Variants in SPOCK3 observed in about 807,000 individuals in gnomAD.
The protein encoded by SPOCK3 is testican-3.
In SPOCK3, 30 loss-of-function variants were observed where a neutral mutation model predicts 56.6. The ratio of observed to expected loss-of-function variants is 0.53; its 90% CI spans 0.40 to 0.72. The LOEUF (loss-of-function observed/expected upper bound fraction) is 0.72. Among genes scored for constraint, SPOCK3 ranks in the 30% least tolerant of loss-of-function variants. SPOCK3 has a pLI of 0.00. For synonymous variants in SPOCK3, 196 were observed against 183.3 expected (o/e 1.07, Z -0.56); for missense variants, 527 against 530.0 (o/e 0.99, Z 0.06).
chr4:166,967,094 GAA>G (rs774288827), intron 4 of SPOCK3, among the ~76,000 whole-genome samples: 8 of 152,088 alleles, frequency 5.3e-5, no homozygotes, highest in Non-Finnish European at 5.9e-5. Flanking sequence ...GCTGATTTAT[GAA>G]GTACTTCCTC....
At chr4:166,735,225 G>T in intron 10 of SPOCK3, 135 bp from the exon 11 acceptor site, 1 of 606,774 alleles carries the variant, frequency 1.6e-6, no homozygotes, top group Non-Finnish European at 2.8e-6. Context: ...CAAAGATAAT[G>T]AAAGATCCAT....
intron 6 of SPOCK3, among the ~76,000 whole-genome samples, chr4:166,868,461 G>T (rs1732104835): frequency 6.6e-6 from 1 of 151,924 alleles, no homozygotes; most frequent in Non-Finnish European, 1.5e-5. Context: ...GTATGACCCT[G>T]TCTCTAAAAA....
intron 5 of SPOCK3, among the ~76,000 whole-genome samples, chr4:166,896,330 A>G (rs530841109): frequency 2.0e-5 from 3 of 152,178 alleles, no homozygotes; most frequent in South Asian, 2.1e-4. Flanking sequence ...GCCCCCACCC[A>G]TGGCTAATGG....
chr4:166,746,398 G>T (rs867491640), intron 8 of SPOCK3, among the ~76,000 whole-genome samples: 1 of 152,116 alleles, frequency 6.6e-6, no homozygotes. Context: ...GGTACATAAC[G>T]AAATGAAGGC....
intron 9 of SPOCK3, among the ~76,000 whole-genome samples, chr4:166,740,737 G>A (rs1414541555): frequency 1.3e-5 from 2 of 151,898 alleles, no homozygotes; most frequent in African/African-American, 4.8e-5. Flanking sequence ...TATTGGCCAG[G>A]GTGGTCTCGA....
chr4:166,784,613 G>A (rs1483734514), intron 7 of SPOCK3, among the ~76,000 whole-genome samples: 1 of 152,042 alleles, frequency 6.6e-6, no homozygotes, highest in Admixed American at 6.6e-5. Context: ...GAAGTCTCCT[G>A]CTATACCTAG....
At chr4:167,073,951 T>G (rs1342756184) in intron 2 of SPOCK3, among the ~76,000 whole-genome samples, 1 of 151,840 alleles carries the variant, frequency 6.6e-6, no homozygotes, top group African/African-American at 2.4e-5. Context: ...ACTCAAAAAT[T>G]TAGTATAATG....
At chr4:166,885,585 C>G (rs1485972988) in intron 6 of SPOCK3, among the ~76,000 whole-genome samples, 1 of 152,032 alleles carries the variant, frequency 6.6e-6, no homozygotes, top group Non-Finnish European at 1.5e-5. Flanking sequence ...CGTTCCTTTT[C>G]TACTTCCTCC....
intron 2 of SPOCK3, among the ~76,000 whole-genome samples, chr4:167,150,200 T>C (rs899941762): frequency 2.0e-5 from 3 of 152,146 alleles, no homozygotes; most frequent in Non-Finnish European, 4.4e-5. Flanking sequence ...ATGCTATCCT[T>C]GAATCTGGCA....
intron 7 of SPOCK3, among the ~76,000 whole-genome samples, chr4:166,765,402 T>A (rs1306411822): frequency 1.3e-5 from 2 of 152,218 alleles, no homozygotes; most frequent in African/African-American, 2.4e-5. Flanking sequence ...GCTTTGTACA[T>A]ATGGCTAGCC....
intron 6 of SPOCK3, among the ~76,000 whole-genome samples, chr4:166,808,007 T>C: frequency 6.6e-6 from 1 of 152,136 alleles, no homozygotes; most frequent in East Asian, 1.9e-4. Flanking sequence ...TTAAATCACA[T>C]TTCCAGAATC....
chr4:167,042,038 C>T (rs1288684330), intron 3 of SPOCK3, among the ~76,000 whole-genome samples: 1 of 152,042 alleles, frequency 6.6e-6, no homozygotes, highest in Non-Finnish European at 1.5e-5. Flanking sequence ...TCCATTTTCC[C>T]TCCTATTAGA....
chr4:167,059,154 A>T (rs1755280005), intron 3 of SPOCK3, among the ~76,000 whole-genome samples: 1 of 152,086 alleles, frequency 6.6e-6, no homozygotes, highest in East Asian at 1.9e-4. Context: ...GACAAATGGG[A>T]TCTAATTAAA....
At position 167,059,075 on chromosome 4, in the gene SPOCK3, C is replaced by G. The variant is rs200097990; in HGVS notation, c.235+3417G>C. Among the ~76,000 whole-genome samples the G allele has an allele frequency of 9.6e-4, 146 of 152,154 alleles. 3 individuals carry two copies. The East Asian group carries it at 0.013, about 13-fold the overall frequency. ...AGAAGAAAACCTAGGCAATACCATT[C>G]AGGACATAGGCATGGGCAAGGACTT... On this transcript the variant is annotated intron_variant, in intron 3 of 10. Coordinates refer to ENST00000357545, the MANE Select transcript of SPOCK3 (RefSeq NM_001040159.2).
Position 166,868,021 on chromosome 4 carries a change from T to G in SPOCK3, c.589+21109A>C, listed in dbSNP as rs147540304. The stretch of plus-strand genomic sequence containing the variant: ...TATTTTAAAAATAAGTTTTGAGAAT[T>G]TAAACTTCTTTATTTCCATTTCAGT... On this transcript the variant is annotated intron_variant, in intron 6 of 10. Transcript: ENST00000357545. Among the ~76,000 whole-genome samples the G allele has an allele frequency of 1.1e-3, 173 of 152,164 alleles. 1 individual carries two copies. The highest frequency in any genetic ancestry group is 3.9e-3 in the African/African-American group (161 of 41,550).
intron 2 of SPOCK3, among the ~76,000 whole-genome samples, chr4:167,067,666 T>C (rs1290757041): frequency 1.3e-5 from 2 of 151,748 alleles, no homozygotes; most frequent in African/African-American, 4.8e-5. Context: ...GTCATCCAAT[T>C]GAAATACATA....
intron 5 of SPOCK3, among the ~76,000 whole-genome samples, chr4:166,894,713 C>T (rs1735179036): frequency 6.6e-6 from 1 of 152,080 alleles, no homozygotes; most frequent in Non-Finnish European, 1.5e-5. Flanking sequence ...CCAAGGAGAA[C>T]TTCCGGGAAA....
rs1228234962 is a variant in SPOCK3 at position 167,173,461 on chromosome 4, A to G, written c.189+60524T>C. Among the ~76,000 whole-genome samples, 3 of 152,042 alleles carry G rather than the reference A, an allele frequency of 2.0e-5. No homozygotes were observed. In the East Asian group the frequency reaches 5.8e-4, roughly 29 times the overall value. Reference sequence around the variant, plus strand: ...GAAAGAAGTGTTAGTCTTTTTCCCCACTATATCTATCTAACCAGTGCTCTG... The same window carrying G: ...GAAAGAAGTGTTAGTCTTTTTCCCCGCTATATCTATCTAACCAGTGCTCTG... On this transcript the variant is annotated intron_variant, in intron 2 of 10. Transcript: ENST00000357545.
chr4:167,131,668 A>T lies in SPOCK3; in HGVS notation c.190-69131T>A, dbSNP rs373450510. On this transcript the variant is annotated intron_variant, in intron 2 of 10. Coordinates refer to ENST00000357545, the MANE Select transcript of SPOCK3 (RefSeq NM_001040159.2). Reference sequence around the variant, plus strand: ...TGGGAGTATACAGATAACAGTCCTAATCCCTTCACTTCTCTGTTAACTGTA... The same window carrying T: ...TGGGAGTATACAGATAACAGTCCTATTCCCTTCACTTCTCTGTTAACTGTA... Among the ~76,000 whole-genome samples the T allele has an allele frequency of 6.7e-4, 102 of 152,252 alleles. 3 individuals are homozygous for T. In the South Asian group the frequency reaches 8.3e-3, roughly 12 times the overall value.
Sources: allele counts gnomAD v4.1 joint callset (sites outside exome capture counted in the v4.1 genomes callset), GRCh38; gene constraint gnomAD v4.1.1; transcripts MANE v1.5; gene names NCBI Gene and HGNC (gene_info 2026-07-23, HGNC 2026-07-21).